BLID: variants seen among roughly 807,000 people sequenced by gnomAD.
BLID encodes BH3-like motif-containing cell death inducer.
For synonymous variants in BLID, 47 were observed against 49.6 expected (o/e 0.95, Z 0.22); for missense variants, 136 against 127.9 (o/e 1.06, Z -0.31).
At position 122,116,168 on chromosome 11, in the gene BLID, A is replaced by T. The variant is rs1941224555; in HGVS notation, c.-246T>A. The T allele has an allele frequency of 2.1e-6, 1 of 471,118 alleles. No individual in the cohort carries two copies. The highest frequency in any genetic ancestry group is 3.9e-6 in the Non-Finnish European group (1 of 256,914). 29.2% of individuals were successfully genotyped at this position (471,118 alleles called of 1,614,324 possible). Reference sequence around the variant, plus strand: ...AACTGAAAACAGCTTCCAAGGGGTCATGTACTTATTCAATTCTCTTCTCTC... The same window carrying T: ...AACTGAAAACAGCTTCCAAGGGGTCTTGTACTTATTCAATTCTCTTCTCTC... On this transcript the variant is annotated 5_prime_UTR_variant, in exon 1 of 1. It removes an upstream start codon present in the reference 5' UTR. Transcript: ENST00000560104.
chr11:122,115,641 C>A lies in BLID; in HGVS notation c.282G>T (p.Arg94Ser), dbSNP rs1338172272. ...HVLQRPSYLT[R>S]IQVTLLCNSS... ...AATTGCATAACAATGTAACTTGTAT[C>A]CTGGTTAAATAGGAAGGTCTCTGAA... Residue 94 changes from arginine to serine, a missense_variant, in exon 1 of 1, where the codon AGG becomes AGT. By Grantham distance (110) the Arg-to-Ser change is moderately radical. Coordinates refer to ENST00000560104, the MANE Select transcript of BLID (RefSeq NM_001001786.3). 1 of 1,614,108 alleles carries A rather than the reference C, an allele frequency of 6.2e-7. No individual in the cohort carries two copies. Among genetic ancestry groups the A allele is most frequent in the Non-Finnish European group, 8.5e-7 (1 of 1,179,974 alleles).
At position 122,115,735 on chromosome 11, in the gene BLID, G is replaced by C. The variant is rs527394443; in HGVS notation, c.188C>G (p.Thr63Arg). The C allele has an allele frequency of 2.7e-5, 43 of 1,614,168 alleles. No individual in the cohort carries two copies. In the South Asian group the frequency reaches 3.3e-4, roughly 12 times the overall value. Residue 63 changes from threonine to arginine, a missense_variant, in exon 1 of 1, where the codon ACA (threonine) becomes AGA (arginine). Transcript: ENST00000560104. ...ATTGTACCTTTTAAGAGAAAGCACT[G>C]TTTCCTTAGGCAACATAGGTTCTTT... is the stretch of plus-strand genomic sequence containing the variant. ...SNKEPMLPKE[T>R]VLSLKRYNLG... is the part of the protein sequence containing the mutation.
In BLID at chr11:122,115,641, C is replaced by T; in HGVS notation, c.282G>A (p.Arg94=). Residue 94 remains arginine, a synonymous_variant, in exon 1 of 1, where the codon AGG becomes AGA. Coordinates refer to ENST00000560104, the MANE Select transcript of BLID (RefSeq NM_001001786.3). ...AATTGCATAACAATGTAACTTGTAT[C>T]CTGGTTAAATAGGAAGGTCTCTGAA... ...HVLQRPSYLT[R]IQVTLLCNSS... is the part of the protein sequence containing the mutation. 1 of 1,614,108 alleles carries T rather than the reference C, an allele frequency of 6.2e-7. No homozygotes were observed. Among genetic ancestry groups the T allele is most frequent in the Non-Finnish European group, 8.5e-7 (1 of 1,179,974 alleles).
rs1941192785 is a variant in BLID at position 122,115,669 on chromosome 11, A to C, written c.254T>G (p.Val85Gly). Residue 85 changes from valine (V) to glycine (G), a missense_variant, in exon 1 of 1, where the codon GTG (valine) becomes GGG (glycine). By Grantham distance (109) the Val-to-Gly change is moderately radical. Transcript: ENST00000560104. ...SAMKRNVPGH[V>G]LQRPSYLTRI... ...GGTTAAATAGGAAGGTCTCTGAAGC[A>C]CATGTCCAGGAACATTCCGCTTCAT... is the stretch of plus-strand genomic sequence containing the variant. 1 of 1,613,938 alleles carries C rather than the reference A, an allele frequency of 6.2e-7. No homozygotes were observed. Among genetic ancestry groups the C allele is most frequent in the African/African-American group, 1.3e-5 (1 of 74,950 alleles).
In BLID at chr11:122,115,640, T is replaced by A; in HGVS notation, c.283A>T (p.Ile95Leu). 1.2e-6 allele frequency: 2 copies of A among 1,614,166 alleles called. No homozygotes were observed. The highest frequency in any genetic ancestry group is 8.5e-7 in the Non-Finnish European group (1 of 1,179,984). ...GAATTGCATAACAATGTAACTTGTATCCTGGTTAAATAGGAAGGTCTCTGA... is the reference window on the plus strand; with the variant it reads ...GAATTGCATAACAATGTAACTTGTAACCTGGTTAAATAGGAAGGTCTCTGA... ...VLQRPSYLTR[I>L]QVTLLCNSSA... Residue 95 changes from isoleucine to leucine, a missense_variant, in exon 1 of 1, where the codon ATA (isoleucine) becomes TTA (leucine). Transcript: ENST00000560104.
In BLID at chr11:122,115,802, C is replaced by A; in HGVS notation, c.121G>T (p.Ala41Ser). 1 of 1,614,154 alleles carries A rather than the reference C, an allele frequency of 6.2e-7. No homozygotes were observed. The highest frequency in any genetic ancestry group is 1.7e-5 in the Admixed American group (1 of 60,024). ...RASGSSIYPE[A>S]KARLPLEALL... ...GCCTCCAGTGGCAGGCGTGCTTTTG[C>A]CTCTGGATAAATGGAACTGCCAGAG... The change falls in exon 1 of 1, where the codon GCA becomes TCA. Residue 41 changes from alanine to serine, a missense_variant. Ala to Ser is a moderately conservative substitution (Grantham distance 99). Transcript: ENST00000560104.
Position 122,115,406 on chromosome 11 carries a change from C to T in BLID, c.*190G>A. The T allele has an allele frequency of 1.3e-5, 7 of 527,248 alleles. No individual in the cohort carries two copies. Among genetic ancestry groups the T allele is most frequent in the South Asian group, 3.2e-5 (1 of 31,588 alleles). 32.7% of individuals were successfully genotyped at this position (527,248 alleles called of 1,614,324 possible). A position where few individuals can be genotyped will look rare whatever the true frequency, so the allele number is the denominator to read the frequency against. ...TTTACTTTTAACTAGCCAGTTTATC[C>T]TTTTTAAAAATTTTATTGTTTCTCT... On this transcript the variant is annotated 3_prime_UTR_variant, in exon 1 of 1. Coordinates refer to ENST00000560104, the MANE Select transcript of BLID (RefSeq NM_001001786.3).
In BLID at chr11:122,115,808, G is replaced by T; in HGVS notation, c.115C>A (p.Pro39Thr). 6.2e-7 allele frequency: 1 copy of T among 1,614,104 alleles called. No homozygotes were observed. The highest frequency in any genetic ancestry group is 8.5e-7 in the Non-Finnish European group (1 of 1,179,978). The change falls in exon 1 of 1, where the codon CCA becomes ACA. Residue 39 changes from proline to threonine, a missense_variant. Coordinates refer to ENST00000560104, the MANE Select transcript of BLID (RefSeq NM_001001786.3). ...IERASGSSIYPEAKARLPLEA... is the reference protein window; with the variant it reads ...IERASGSSIYTEAKARLPLEA... ...AGTGGCAGGCGTGCTTTTGCCTCTG[G>T]ATAAATGGAACTGCCAGAGGCTCGC...
rs1346770550 is a variant in BLID, at chr11:122,115,427, T to C, written c.*169A>G. 20 of 560,108 alleles carry C rather than the reference T, an allele frequency of 3.6e-5. No homozygotes were observed. In the Middle Eastern group the frequency reaches 2.3e-3, roughly 64 times the overall value. The allele number at this position is 560,108 out of a possible 1,614,324, so 34.7% of individuals were successfully genotyped here. ...TATCCTTTTTAAAAATTTTATTGTT[T>C]CTCTGCACAATTTGAACCAAATTTG... is the stretch of plus-strand genomic sequence containing the variant. On this transcript the variant is annotated 3_prime_UTR_variant, in exon 1 of 1. Transcript: ENST00000560104.
chr11:122,115,729 A>T lies in BLID; in HGVS notation c.194T>A (p.Leu65His), dbSNP rs760497096. 2 of 1,614,174 alleles carry T rather than the reference A, an allele frequency of 1.2e-6. No individual in the cohort carries two copies. Among genetic ancestry groups the T allele is most frequent in the East Asian group, 4.5e-5 (2 of 44,870 alleles). ...GCCAAGATTGTACCTTTTAAGAGAA[A>T]GCACTGTTTCCTTAGGCAACATAGG... is the stretch of plus-strand genomic sequence containing the variant. Reference protein sequence around the residue: ...KEPMLPKETVLSLKRYNLGSS... With the variant: ...KEPMLPKETVHSLKRYNLGSS... Residue 65 changes from leucine to histidine, a missense_variant, in exon 1 of 1, where the codon CTT (leucine) becomes CAT (histidine). Transcript: ENST00000560104.
At position 122,115,556 on chromosome 11, in the gene BLID, T is replaced by C; in HGVS notation, c.*40A>G. ...TGCAGCCTGAATAATGGGCGAAATCTGTCCTAATATCTTGCTGCATCTGTC... is the reference window on the plus strand; with the variant it reads ...TGCAGCCTGAATAATGGGCGAAATCCGTCCTAATATCTTGCTGCATCTGTC... On this transcript the variant is annotated 3_prime_UTR_variant, in exon 1 of 1. Coordinates refer to ENST00000560104, the MANE Select transcript of BLID (RefSeq NM_001001786.3). 1 of 1,418,036 alleles carries C rather than the reference T, an allele frequency of 7.1e-7. No homozygotes were observed. The highest frequency in any genetic ancestry group is 1.2e-5 in the South Asian group (1 of 83,750). The allele number at this position is 1,418,036 out of a possible 1,614,324, so 87.8% of individuals were successfully genotyped here.
rs1439611083 is a variant in BLID at position 122,115,715 on chromosome 11, A to T, written c.208T>A (p.Tyr70Asn). 1 of 1,614,138 alleles carries T rather than the reference A, an allele frequency of 6.2e-7. No homozygotes were observed. The highest frequency in any genetic ancestry group is 8.5e-7 in the Non-Finnish European group (1 of 1,179,978). ...PKETVLSLKRYNLGSSAMKRN... is the reference protein window; with the variant it reads ...PKETVLSLKRNNLGSSAMKRN... ...TTCATGGCAGAGGAGCCAAGATTGT[A>T]CCTTTTAAGAGAAAGCACTGTTTCC... Residue 70 changes from tyrosine (Y) to asparagine (N), a missense_variant, in exon 1 of 1, where the codon TAC (tyrosine) becomes AAC (asparagine). Physicochemically the swap from Tyr to Asn is moderately radical, Grantham distance 143. Transcript: ENST00000560104.
rs1189163193 is a variant in BLID at position 122,115,999 on chromosome 11, T to A, written c.-77A>T. On this transcript the variant is annotated 5_prime_UTR_variant, in exon 1 of 1. Coordinates refer to ENST00000560104, the MANE Select transcript of BLID (RefSeq NM_001001786.3). Reference sequence around the variant, plus strand: ...ATTCAGCAAGTTTTTATAAGGCAGATCTCATATGGACTATGCTTTGCATAA... The same window carrying A: ...ATTCAGCAAGTTTTTATAAGGCAGAACTCATATGGACTATGCTTTGCATAA... The A allele has an allele frequency of 9.2e-7, 1 of 1,091,398 alleles. No homozygotes were observed. Among genetic ancestry groups the A allele is most frequent in the African/African-American group, 1.6e-5 (1 of 63,440 alleles). The allele number at this position is 1,091,398 out of a possible 1,614,324, so 67.6% of individuals were successfully genotyped here. A position where few individuals can be genotyped will look rare whatever the true frequency, so the allele number is the denominator to read the frequency against.
chr11:122,116,022 T>A lies in BLID; in HGVS notation c.-100A>T. ...GATCTCATATGGACTATGCTTTGCATAAGCACGGTGTTAGATGGGAAGAAA... is the reference window on the plus strand; with the variant it reads ...GATCTCATATGGACTATGCTTTGCAAAAGCACGGTGTTAGATGGGAAGAAA... On this transcript the variant is annotated 5_prime_UTR_variant, in exon 1 of 1. The change abolishes an upstream ATG in the 5' untranslated region. Transcript: ENST00000560104. 1.2e-6 allele frequency: 1 copy of A among 840,088 alleles called. No individual in the cohort carries two copies. Among genetic ancestry groups the A allele is most frequent in the Non-Finnish European group, 1.9e-6 (1 of 534,374 alleles). The allele number at this position is 840,088 out of a possible 1,614,324, so 52.0% of individuals were successfully genotyped here.
rs925602643 is a variant in BLID, at chr11:122,116,182, T to C, written c.-260A>G. ...TCCAAGGGGTCATGTACTTATTCAA[T>C]TCTCTTCTCTCTTTTCTCCAAACAC... On this transcript the variant is annotated 5_prime_UTR_variant, in exon 1 of 1. Coordinates refer to ENST00000560104, the MANE Select transcript of BLID (RefSeq NM_001001786.3). 2 of 422,094 alleles carry C rather than the reference T, an allele frequency of 4.7e-6. No homozygotes were observed. Among genetic ancestry groups the C allele is most frequent in the African/African-American group, 3.9e-5 (2 of 50,914 alleles). The allele number at this position is 422,094 out of a possible 1,614,324, so 26.1% of individuals were successfully genotyped here.
In BLID at chr11:122,115,559, C is replaced by T. The variant is rs772259025; in HGVS notation, c.*37G>A. 7 of 1,455,436 alleles carry T rather than the reference C, an allele frequency of 4.8e-6. No individual in the cohort carries two copies. In the East Asian group the frequency reaches 9.1e-5, roughly 19 times the overall value. The allele number at this position is 1,455,436 out of a possible 1,614,324, so 90.2% of individuals were successfully genotyped here. Reference sequence around the variant, plus strand: ...AGCCTGAATAATGGGCGAAATCTGTCCTAATATCTTGCTGCATCTGTCCTA... The same window carrying T: ...AGCCTGAATAATGGGCGAAATCTGTTCTAATATCTTGCTGCATCTGTCCTA... On this transcript the variant is annotated 3_prime_UTR_variant, in exon 1 of 1. Transcript: ENST00000560104.
rs1941200927 is a variant in BLID, at chr11:122,115,770, C to A, written c.153G>T (p.Leu51Phe). 6.2e-7 allele frequency: 1 copy of A among 1,614,132 alleles called. No homozygotes were observed. The highest frequency in any genetic ancestry group is 8.5e-7 in the Non-Finnish European group (1 of 1,179,994). The change falls in exon 1 of 1, where the codon TTG becomes TTT. Residue 51 changes from leucine (L) to phenylalanine (F), a missense_variant. Physicochemically the swap from Leu to Phe is conservative, Grantham distance 22. Transcript: ENST00000560104. The part of the protein sequence containing the change: ...AKARLPLEAL[L>F]GSNKEPMLPK... ...GCAACATAGGTTCTTTGTTGGAACC[C>A]AAGAGCGCCTCCAGTGGCAGGCGTG...
chr11:122,115,904 T>C lies in BLID; in HGVS notation c.19A>G (p.Ile7Val). Residue 7 changes from isoleucine to valine, a missense_variant, in exon 1 of 1, where the codon ATA (isoleucine) becomes GTA (valine). Ile to Val is a conservative substitution (Grantham distance 29, BLOSUM62 3). Coordinates refer to ENST00000560104, the MANE Select transcript of BLID (RefSeq NM_001001786.3). Reference protein sequence around the residue: MVTLLPIEGQEIHFFEI... With the variant: MVTLLPVEGQEIHFFEI... ...AAGAAATGTATTTCCTGGCCCTCTATAGGCAACAAAGTCACCATAATTTGA... is the reference window on the plus strand; with the variant it reads ...AAGAAATGTATTTCCTGGCCCTCTACAGGCAACAAAGTCACCATAATTTGA... 6.3e-7 allele frequency: 1 copy of C among 1,592,400 alleles called. No homozygotes were observed. The highest frequency in any genetic ancestry group is 1.3e-5 in the African/African-American group (1 of 74,340).
At position 122,115,546 on chromosome 11, in the gene BLID, G is replaced by T; in HGVS notation, c.*50C>A. 1.5e-6 allele frequency: 2 copies of T among 1,328,188 alleles called. No homozygotes were observed. The highest frequency in any genetic ancestry group is 1.3e-5 in the South Asian group (1 of 79,712). The allele number at this position is 1,328,188 out of a possible 1,614,324, so 82.3% of individuals were successfully genotyped here. A position where few individuals can be genotyped will look rare whatever the true frequency, so the allele number is the denominator to read the frequency against. ...TTCTGTGTTGTGCAGCCTGAATAAT[G>T]GGCGAAATCTGTCCTAATATCTTGC... On this transcript the variant is annotated 3_prime_UTR_variant, in exon 1 of 1. Transcript: ENST00000560104.
Sources: allele counts gnomAD v4.1 joint callset, GRCh38; gene constraint gnomAD v4.1.1; transcripts MANE v1.5; gene names NCBI Gene and HGNC (gene_info 2026-07-23, HGNC 2026-07-21).